ACSM6: variants seen among roughly 807,000 people sequenced by gnomAD.
ACSM6 encodes the protein acyl-CoA synthetase medium chain family member 6.
In ACSM6, 35 loss-of-function variants were observed where a neutral mutation model predicts 51.1. That is an observed-to-expected ratio of 0.69 (90% confidence interval 0.52 to 0.91). The LOEUF (loss-of-function observed/expected upper bound fraction) is 0.91. Among genes scored for constraint, ACSM6 ranks in the 40% least tolerant of loss-of-function variants. ACSM6 has a pLI of 0.00. For missense variants in ACSM6, 509 were observed against 584.1 expected, an observed-to-expected ratio of 0.87 and a Z score of 1.32; for synonymous variants, 172 against 207.3, an observed-to-expected ratio of 0.83 and a Z score of 1.46.
At chr10:95,204,281 A>G (rs941641025) in intron 3 of ACSM6, among the ~76,000 whole-genome samples, 2 of 152,208 alleles carry the variant, frequency 1.3e-5, no homozygotes, top group Non-Finnish European at 2.9e-5. Context: ...AGCCGGGCGC[A>G]GTGGCTACGC....
At chr10:95,209,262 A>C (rs1296911001) in intron 4 of ACSM6, among the ~76,000 whole-genome samples, 1 of 152,190 alleles carries the variant, frequency 6.6e-6, no homozygotes, top group Non-Finnish European at 1.5e-5. Flanking sequence ...GGTGGGAGCG[A>C]GCTTAAACTG....
chr10:95,224,268 C>G (rs183130019), intron 9 of ACSM6, among the ~76,000 whole-genome samples: 14 of 152,116 alleles, frequency 9.2e-5, no homozygotes, highest in Non-Finnish European at 1.6e-4. Context: ...AAAATGAGTA[C>G]GCATATTGCT....
In ACSM6 at chr10:95,202,209, G is replaced by A. The variant is rs1353393128; in HGVS notation, c.403+14G>A. On this transcript the variant is annotated intron_variant, in intron 3 of 10. Coordinates refer to ENST00000341686, the Ensembl canonical transcript of ACSM6. ...GTGTGCGCTTGGGTGAGGCATGGGA[G>A]ACGGACCCCAGGGGTTGGAGGCTTA... is the stretch of plus-strand genomic sequence containing the variant. The A allele has an allele frequency of 1.9e-6, 3 of 1,549,230 alleles. No homozygotes were observed. The highest frequency in any genetic ancestry group is 2.7e-5 in the African/African-American group (2 of 73,092).
exon 11 of ACSM6, chr10:95,228,711 T>C (rs1161585716): frequency 1.3e-6 from 2 of 1,551,786 alleles, no homozygotes; most frequent in Non-Finnish European, 1.7e-6. Flanking sequence ...AGAGGGATCA[T>C]GGATGAAGAC....
At chr10:95,197,618 C>T (rs1455450832) in intron 2 of ACSM6, among the ~76,000 whole-genome samples, 3 of 152,018 alleles carry the variant, frequency 2.0e-5, no homozygotes, top group South Asian at 2.1e-4. Context: ...CACCATAGGG[C>T]GGTTTTTCTC....
At chr10:95,217,966 A>C (rs2034962595) in intron 8 of ACSM6, among the ~76,000 whole-genome samples, 1 of 152,250 alleles carries the variant, frequency 6.6e-6, no homozygotes, top group African/African-American at 2.4e-5. Flanking sequence ...TACTACACTC[A>C]CAGATCCATT....
intron 3 of ACSM6, 92 bp downstream of exon 3, chr10:95,202,287 A>T: frequency 8.8e-7 from 1 of 1,134,882 alleles, no homozygotes; most frequent in Non-Finnish European, 1.3e-6. Context: ...AGGGATCTCT[A>T]TCTGATGCCT....
chr10:95,201,881 C>T (rs1441912807), intron 2 of ACSM6, 104 bp from the exon 3 acceptor site: 2 of 930,610 alleles, frequency 2.1e-6, no homozygotes, highest in Non-Finnish European at 3.4e-6. Context: ...GCATCCTAGC[C>T]TCTCAAGATC....
At chr10:95,207,092 G>C (rs2034844921) in intron 3 of ACSM6, 116 bp from the exon 4 acceptor site, 1 of 929,598 alleles carries the variant, frequency 1.1e-6, no homozygotes, top group South Asian at 1.6e-5. Context: ...ATAGAGAAGA[G>C]AGACTCCTAA....
rs181033040 is a variant in ACSM6 at position 95,208,279 on chromosome 10, A to T, written c.611+864A>T. Among the ~76,000 whole-genome samples, 12 of 152,340 alleles carry T rather than the reference A, an allele frequency of 7.9e-5. No individual in the cohort carries two copies. The East Asian group carries it at 1.5e-3, about 20-fold the overall frequency. The stretch of plus-strand genomic sequence containing the variant: ...AAGTGGGAACTAAATAATGTGTACA[A>T]ATGGACACAGAGTGTGGAATAATAG... On this transcript the variant is annotated intron_variant, in intron 4 of 10. Coordinates refer to ENST00000341686, the Ensembl canonical transcript of ACSM6.
At chr10:95,227,543 C>T (rs1316049551) in intron 10 of ACSM6, among the ~76,000 whole-genome samples, 2 of 152,118 alleles carry the variant, frequency 1.3e-5, no homozygotes, top group African/African-American at 2.4e-5. Context: ...AGACTGATAA[C>T]ACAACTTCAA....
intron 9 of ACSM6, among the ~76,000 whole-genome samples, chr10:95,224,600 A>G (rs2035021877): frequency 1.3e-5 from 2 of 151,912 alleles, no homozygotes; most frequent in Non-Finnish European, 2.9e-5. Context: ...GGGTTTCTCC[A>G]TGTTGGTCAG....
chr10:95,210,074 T>C (rs2034878928), intron 4 of ACSM6, among the ~76,000 whole-genome samples: 1 of 152,232 alleles, frequency 6.6e-6, no homozygotes, highest in African/African-American at 2.4e-5. Context: ...TAAATTTCAA[T>C]ATTTTGTTTA....
intron 2 of ACSM6, among the ~76,000 whole-genome samples, chr10:95,200,615 G>GAGAAGGAGAAGGAGA (rs144423976): frequency 0.014 from 2,106 of 148,398 alleles, 69 homozygotes; most frequent in African/African-American, 0.05. Context: ...GAAGGAGAAG[G>GAGAAGGAGAAGGAGA]AGAAGAAGAA....
intron 2 of ACSM6, among the ~76,000 whole-genome samples, chr10:95,200,895 T>TC (rs2034788572): frequency 6.6e-6 from 1 of 151,910 alleles, no homozygotes; most frequent in Admixed American, 6.6e-5. Context: ...GAAAAGAGCC[T>TC]TCCTTCCCTC....
intron 4 of ACSM6, among the ~76,000 whole-genome samples, chr10:95,209,828 A>G (rs2034877352): frequency 6.6e-6 from 1 of 151,764 alleles, no homozygotes; most frequent in Non-Finnish European, 1.5e-5. Context: ...ATTTTTTTTA[A>G]TTAAAAAAAT....
chr10:95,212,113 C>A, intron 6 of ACSM6, 79 bp downstream of exon 6: 1 of 1,518,182 alleles, frequency 6.6e-7, no homozygotes, highest in Non-Finnish European at 9.1e-7. Context: ...GACTCATGCC[C>A]AGAATGGGGC....
At chr10:95,228,904 A>G in exon 11 of ACSM6, 2 of 1,108,902 alleles carry the variant, frequency 1.8e-6, no homozygotes, top group Non-Finnish European at 2.4e-6. Context: ...CCAAAAATAA[A>G]AAAATAAAAC....
intron 4 of ACSM6, 37 bp downstream of exon 4, chr10:95,207,452 G>GA (rs776167281): frequency 1.3e-6 from 2 of 1,589,086 alleles, no homozygotes; most frequent in Non-Finnish European, 8.6e-7. Flanking sequence ...TTAAATGAAG[G>GA]AAATGTTTGA....
Sources: gnomAD v4.1 joint callset for allele counts (sites outside exome capture counted in the v4.1 genomes callset) on GRCh38, gnomAD v4.1.1 for gene constraint, MANE v1.5 for transcripts, NCBI Gene and HGNC (gene_info 2026-07-23, HGNC 2026-07-21) for gene names.